Variants in CFAP54 observed in about 807,000 individuals in gnomAD.
CFAP54 encodes the protein cilia and flagella associated protein 54, also known as cilia- and flagella-associated protein 54.
In CFAP54, 290 loss-of-function variants were observed where a neutral mutation model predicts 370.4. The ratio of observed to expected loss-of-function variants is 0.78; its 90% confidence interval spans 0.71 to 0.86. CFAP54 has a LOEUF of 0.86. Among genes scored for constraint, CFAP54 ranks in the 40% least tolerant of loss-of-function variants. The pLI is 0.00. For missense variants in CFAP54, 3,399 were observed against 3,528.7 expected (o/e 0.96, Z 0.93); for synonymous variants, 1,206 against 1,236.5 (o/e 0.98, Z 0.52).
chr12:96,786,665 C>T lies in CFAP54; in HGVS notation c.8456-10C>T. 1 of 1,508,258 alleles carries T rather than the reference C, an allele frequency of 6.6e-7. No homozygotes were observed. Among genetic ancestry groups the T allele is most frequent in the Non-Finnish European group, 8.9e-7 (1 of 1,128,080 alleles). 93.4% of individuals were successfully genotyped at this position (1,508,258 alleles called of 1,614,324 possible). ...TATGAACCTAAACTAAGGTATTTTT[C>T]TTTCTTAAGCATCTGCAACACCAGT... On this transcript the variant is annotated splice_polypyrimidine_tract_variant and intron_variant, in intron 61 of 67. Coordinates refer to ENST00000524981, the MANE Select transcript of CFAP54 (RefSeq NM_001306084.2).
At chr12:96,556,796 T>G (rs10735345) in intron 17 of CFAP54, among the ~76,000 whole-genome samples, 145,002 of 152,242 alleles carry the variant, frequency 0.95, 69,110 homozygotes, top group East Asian at 1. Context: ...GCAAACTAAT[T>G]CAGGGATAGA....
rs1029464433 is a variant in CFAP54 at position 96,815,490 on chromosome 12, C to G, written c.8958-2285C>G. 5.9e-5 allele frequency among the ~76,000 whole-genome samples: 9 copies of G among 152,186 alleles called. No individual in the cohort carries two copies. The South Asian group carries it at 6.3e-4, about 11-fold the overall frequency. ...GATGGATAGATTGCAAAAATTTTCTCCCGCTCTGTAGGTTGCCTGTTCACT... is the reference window on the plus strand; with the variant it reads ...GATGGATAGATTGCAAAAATTTTCTGCCGCTCTGTAGGTTGCCTGTTCACT... On this transcript the variant is annotated intron_variant, in intron 64 of 67. Transcript: ENST00000524981.
chr12:96,547,665 G>A (rs1470963146), intron 14 of CFAP54, among the ~76,000 whole-genome samples: 1 of 152,106 alleles, frequency 6.6e-6, no homozygotes, highest in Admixed American at 6.6e-5. Flanking sequence ...TCATTTCTGA[G>A]ATTATCGGTA....
At chr12:96,762,673 T>C (rs571340115) in intron 58 of CFAP54, among the ~76,000 whole-genome samples, 24 of 152,372 alleles carry the variant, frequency 1.6e-4, no homozygotes, top group Admixed American at 1.5e-3. Context: ...CTGTTAGTCT[T>C]GTTACCAGAA....
At position 96,860,818 on chromosome 12, in the gene CFAP54, G is replaced by A. The variant is rs1361074307; in HGVS notation, c.9172-1G>A. On this transcript the variant is annotated splice_acceptor_variant, in intron 66 of 67. Transcript: ENST00000524981. LOFTEE classifies it high-confidence loss of function. ...ATGAACACTTTTATGTTTTTCCTCA[G>A]GTCCCATTTGATATCTCACTGCCGT... 1.3e-6 allele frequency: 2 copies of A among 1,528,086 alleles called. No individual in the cohort carries two copies. Among genetic ancestry groups the A allele is most frequent in the Non-Finnish European group, 1.7e-6 (2 of 1,144,008 alleles). 94.7% of individuals were successfully genotyped at this position (1,528,086 alleles called of 1,614,324 possible).
intron 22 of CFAP54, among the ~76,000 whole-genome samples, chr12:96,587,958 C>T (rs1294839829): frequency 9.9e-5 from 15 of 152,116 alleles, no homozygotes; most frequent in Admixed American, 7.2e-4. Flanking sequence ...GTTCTGGTTT[C>T]CTCATTCACA....
At chr12:96,710,547 T>C (rs1957599213) in intron 48 of CFAP54, among the ~76,000 whole-genome samples, 1 of 152,102 alleles carries the variant, frequency 6.6e-6, no homozygotes, top group Non-Finnish European at 1.5e-5. Context: ...GGTGGGGGCA[T>C]GGGCTCTTTA....
chr12:96,791,995 G>A lies in CFAP54; in HGVS notation c.8680-334G>A, dbSNP rs533435363. Among the ~76,000 whole-genome samples the A allele has an allele frequency of 3.7e-3, 558 of 151,968 alleles. 3 individuals are homozygous for A. Among genetic ancestry groups the A allele is most frequent in the Non-Finnish European group, 5.5e-3 (375 of 67,954 alleles). On this transcript the variant is annotated intron_variant, in intron 62 of 67. Transcript: ENST00000524981. ...CTCCTGAGTAGCTGGGATTACAGGC[G>A]CACGCCACCATGCCCGGCTAATTTT...
chr12:96,811,663 A>G (rs1399065294), intron 63 of CFAP54, 73 bp from the exon 64 acceptor site: 1 of 773,846 alleles, frequency 1.3e-6, no homozygotes, highest in East Asian at 3.0e-5. Flanking sequence ...TATTTTGTGA[A>G]CTAATGCTGT....
intron 52 of CFAP54, among the ~76,000 whole-genome samples, chr12:96,742,914 A>C (rs975737235): frequency 6.6e-6 from 1 of 152,208 alleles, no homozygotes; most frequent in Non-Finnish European, 1.5e-5. Flanking sequence ...TTGGGTTCAA[A>C]TATTGGATCC....
At chr12:96,650,150 G>A in intron 35 of CFAP54, 78 bp downstream of exon 35, 2 of 1,220,078 alleles carry the variant, frequency 1.6e-6, no homozygotes, top group Non-Finnish European at 1.1e-6. Flanking sequence ...GATACATTGT[G>A]TTTATTTTCT....
intron 25 of CFAP54, among the ~76,000 whole-genome samples, chr12:96,595,046 G>C (rs892380537): frequency 6.6e-6 from 1 of 152,156 alleles, no homozygotes; most frequent in Non-Finnish European, 1.5e-5. Context: ...TGAAATCAAA[G>C]TCTTGGCCAG....
intron 63 of CFAP54, among the ~76,000 whole-genome samples, chr12:96,796,190 C>G (rs1467097557): frequency 1.3e-5 from 2 of 152,176 alleles, no homozygotes; most frequent in Non-Finnish European, 2.9e-5. Context: ...AGTGGATTCT[C>G]TCAGCTTTCC....
chr12:96,759,524 A>G (rs1036987173), intron 58 of CFAP54, among the ~76,000 whole-genome samples: 2 of 152,256 alleles, frequency 1.3e-5, no homozygotes, highest in African/African-American at 4.8e-5. Flanking sequence ...TATTGGAAGC[A>G]CAGAAAACAG....
chr12:96,796,452 T>C (rs139136798), intron 63 of CFAP54, among the ~76,000 whole-genome samples: 179 of 152,342 alleles, frequency 1.2e-3, no homozygotes, highest in African/African-American at 4.0e-3. Flanking sequence ...TGATTGTTTG[T>C]TAGAACTCAT....
chr12:96,525,169 T>TG (rs1955364818), intron 8 of CFAP54, among the ~76,000 whole-genome samples: 1 of 151,776 alleles, frequency 6.6e-6, no homozygotes, highest in African/African-American at 2.4e-5. Context: ...AAATTTTTTT[T>TG]TTGTTAATTC....
intron 9 of CFAP54, among the ~76,000 whole-genome samples, chr12:96,527,735 A>AT (rs1442662705): frequency 6.6e-6 from 1 of 151,840 alleles, no homozygotes; most frequent in African/African-American, 2.4e-5. Context: ...CACCTGGCTA[A>AT]TTTTTGTATT....
intron 63 of CFAP54, among the ~76,000 whole-genome samples, chr12:96,807,189 T>C (rs901051147): frequency 2.9e-4 from 44 of 152,160 alleles, no homozygotes; most frequent in African/African-American, 9.2e-4. Flanking sequence ...TCACATATTA[T>C]AGATGAGGAA....
intron 1 of CFAP54, among the ~76,000 whole-genome samples, chr12:96,493,011 A>G (rs1486666574): frequency 6.6e-6 from 1 of 151,182 alleles, no homozygotes; most frequent in East Asian, 1.9e-4. Flanking sequence ...AAAAAAAAAG[A>G]GTTATTATCC....
Sources: gnomAD v4.1 joint callset for allele counts (sites outside exome capture counted in the v4.1 genomes callset) on GRCh38, gnomAD v4.1.1 for gene constraint, MANE v1.5 for transcripts, NCBI Gene and HGNC (gene_info 2026-07-23, HGNC 2026-07-21) for gene names.